The following RCOR1 variants were observed in gnomAD, a reference collection of about 807,000 sequenced individuals.
RCOR1 encodes the protein REST corepressor 1.
Under a neutral mutation model 64.0 loss-of-function variants are expected in RCOR1, and 12 were observed. The ratio of observed to expected loss-of-function variants is 0.19; its 90% CI spans 0.12 to 0.30. The LOEUF (loss-of-function observed/expected upper bound fraction) is 0.30, where lower values mean the gene tolerates loss of function less well. RCOR1 is among the 10% of genes least tolerant of loss of function. The pLI is 1.00. For missense variants in RCOR1, 502 were observed against 621.2 expected (o/e 0.81, Z 2.04); for synonymous variants, 279 against 227.2 (o/e 1.23, Z -2.05).
At chr14:102,606,376 A>T (rs1893507244) in intron 2 of RCOR1, among the ~76,000 whole-genome samples, 1 of 151,302 alleles carries the variant, frequency 6.6e-6, no homozygotes, top group Admixed American at 6.6e-5. Context: ...TTACACCCAT[A>T]CTCTCCCTGA....
chr14:102,663,562 C>T (rs1321156880), intron 2 of RCOR1, among the ~76,000 whole-genome samples: 1 of 152,176 alleles, frequency 6.6e-6, no homozygotes, highest in Admixed American at 6.5e-5. Flanking sequence ...ATAATCTGGG[C>T]TCTCTGTATT....
At chr14:102,703,887 A>G (rs538645383) in intron 4 of RCOR1, among the ~76,000 whole-genome samples, 5 of 152,262 alleles carry the variant, frequency 3.3e-5, no homozygotes, top group South Asian at 2.1e-4. Flanking sequence ...TCCCTGCCCA[A>G]CCCATTCTTC....
In RCOR1 at chr14:102,593,006, G is replaced by A; in HGVS notation, c.120G>A (p.Ser40=). ...CCGCCGCCTCGGCCGCCTGCGCCTC[G>A]CCAGCCGCCACTGCCGCCTCGGGCG... The part of the protein sequence containing the change: ...ASAAASAACA[S]PAATAASGAA... The change falls in exon 1 of 12, where the codon TCG becomes TCA. Residue 40 remains serine (S), a synonymous_variant. Coordinates refer to ENST00000262241, the MANE Select transcript of RCOR1 (RefSeq NM_015156.4). The A allele has an allele frequency of 8.4e-7, 1 of 1,195,738 alleles. No individual in the cohort carries two copies. 74.1% of individuals were successfully genotyped at this position (1,195,738 alleles called of 1,614,324 possible). A position where few individuals can be genotyped will look rare whatever the true frequency, so the allele number is the denominator to read the frequency against.
At chr14:102,677,226 CT>C (rs1895195661) in intron 2 of RCOR1, among the ~76,000 whole-genome samples, 1 of 138,042 alleles carries the variant, frequency 7.2e-6, no homozygotes, top group Non-Finnish European at 1.6e-5. Flanking sequence ...CCCCTCCCCC[CT>C]CCCGGACGGG....
At position 102,615,275 on chromosome 14, in the gene RCOR1, G is replaced by GGT. The variant is rs534545303; in HGVS notation, c.361+21953_361+21954dup. Among the ~76,000 whole-genome samples, 253 of 151,240 alleles carry GGT rather than the reference G, an allele frequency of 1.7e-3. 1 individual carries two copies. Among genetic ancestry groups the GGT allele is most frequent in the African/African-American group, 6.0e-3 (246 of 41,216 alleles). ...AGCCTCCCAAGTAGCTGGAACTACA[G>GGT]GTGTATGTCGTCATGCCTGGCTAAA... On this transcript the variant is annotated intron_variant, in intron 2 of 11. Transcript: ENST00000262241.
Position 102,722,347 on chromosome 14 carries a change from T to C in RCOR1, c.1350T>C (p.Asn450=), listed in dbSNP as rs1247138473. The change falls in exon 11 of 12, where the codon AAT becomes AAC. Residue 450 remains asparagine (N), a synonymous_variant. Transcript: ENST00000262241. ...WEAEHGKEET[N]GPSNQKPVKS... is the part of the protein sequence containing the mutation. ...CAGAACATGGTAAAGAAGAGACCAA[T>C]GGGCCCAGTAACCAGAAGCCTGTGA... 3 of 1,614,034 alleles carry C rather than the reference T, an allele frequency of 1.9e-6. No individual in the cohort carries two copies. The highest frequency in any genetic ancestry group is 1.7e-6 in the Non-Finnish European group (2 of 1,180,028).
intron 2 of RCOR1, among the ~76,000 whole-genome samples, chr14:102,599,222 C>T (rs1055949068): frequency 6.6e-6 from 1 of 151,928 alleles, no homozygotes; most frequent in African/African-American, 2.4e-5. Flanking sequence ...CTCCTGGGCG[C>T]ACACTATCCT....
Position 102,592,977 on chromosome 14 carries a change from T to TCCGCCG in RCOR1, c.97_102dup (p.Ala33_Ala34dup). The TCCGCCG allele has an allele frequency of 8.7e-7, 1 of 1,153,738 alleles. No homozygotes were observed. 71.5% of individuals were successfully genotyped at this position (1,153,738 alleles called of 1,614,324 possible). Reference sequence around the variant, plus strand: ...CGCCTCCGCCTCCGCCGCCGCCGCCTCCGCCGCCGCCTCGGCCGCCTGCGC... The same window carrying TCCGCCG: ...CGCCTCCGCCTCCGCCGCCGCCGCCTCCGCCGCCGCCGCCGCCTCGGCCGCCTGCGC... On this transcript the variant is annotated inframe_insertion, in exon 1 of 12. Coordinates refer to ENST00000262241, the MANE Select transcript of RCOR1 (RefSeq NM_015156.4).
At chr14:102,596,390 AC>A (rs1343618855) in intron 2 of RCOR1, among the ~76,000 whole-genome samples, 2 of 152,196 alleles carry the variant, frequency 1.3e-5, no homozygotes, top group Admixed American at 1.3e-4. Flanking sequence ...GGGGTGAGCC[AC>A]CGTGCCCAGC....
chr14:102,673,730 C>T (rs1459619617), intron 2 of RCOR1, among the ~76,000 whole-genome samples: 7 of 152,188 alleles, frequency 4.6e-5, no homozygotes, highest in Non-Finnish European at 8.8e-5. Context: ...ATTCTCCTGC[C>T]TCAGCCTCCC....
chr14:102,659,255 C>T, intron 2 of RCOR1: 1 of 985,096 alleles, frequency 1.0e-6, no homozygotes, highest in African/African-American at 1.7e-5. Context: ...TTTGTTGATG[C>T]AGGGTTGCAT....
chr14:102,629,070 A>G (rs757210630), intron 2 of RCOR1, among the ~76,000 whole-genome samples: 7 of 151,882 alleles, frequency 4.6e-5, no homozygotes, highest in Admixed American at 1.3e-4. Context: ...TCATTTTTGT[A>G]TTCAACACGC....
In RCOR1 at chr14:102,659,354, G is replaced by A. The variant is rs549043424; in HGVS notation, c.362-22541G>A. The A allele has an allele frequency of 5.2e-5, 42 of 813,628 alleles. No homozygotes were observed. The African/African-American group carries it at 5.9e-4, about 12-fold the overall frequency. 50.4% of individuals were successfully genotyped at this position (813,628 alleles called of 1,614,324 possible). A position where few individuals can be genotyped will look rare whatever the true frequency, so the allele number is the denominator to read the frequency against. On this transcript the variant is annotated intron_variant, in intron 2 of 11. Transcript: ENST00000262241. ...ATCATTAAGGCTCATAAAGTCTTCC[G>A]TTTTTATTTTGGCTATTCTGGTGGT...
chr14:102,707,267 G>A (rs543211733), intron 4 of RCOR1, 84 bp from the exon 5 acceptor site: 20 of 1,211,326 alleles, frequency 1.7e-5, no homozygotes, highest in African/African-American at 9.2e-5. Flanking sequence ...ATATGAAGTC[G>A]TTTTTACTTT....
intron 8 of RCOR1, among the ~76,000 whole-genome samples, chr14:102,719,469 A>G (rs959371470): frequency 2.0e-5 from 3 of 151,944 alleles, no homozygotes; most frequent in Non-Finnish European, 4.4e-5. Context: ...CTCATTGTTC[A>G]ATTCCCACCT....
At position 102,722,440 on chromosome 14, in the gene RCOR1, C is replaced by T. The variant is rs764167868; in HGVS notation, c.1419+24C>T. The T allele has an allele frequency of 5.1e-6, 8 of 1,576,020 alleles. No homozygotes were observed. The Admixed American group carries it at 1.0e-4, about 20-fold the overall frequency. On this transcript the variant is annotated intron_variant, in intron 11 of 11. Transcript: ENST00000262241. ...AGGTAAATCTGAAACAAAACAGTCA[C>T]TTCTCTTGTCAGGTTCACGCTTGAT...
intron 2 of RCOR1, among the ~76,000 whole-genome samples, chr14:102,601,452 A>G (rs1317300736): frequency 2.0e-5 from 3 of 152,234 alleles, no homozygotes; most frequent in Non-Finnish European, 4.4e-5. Context: ...ATGACAAGAC[A>G]GAATTAGATG....
At chr14:102,615,333 G>A (rs1020785079) in intron 2 of RCOR1, among the ~76,000 whole-genome samples, 2 of 151,404 alleles carry the variant, frequency 1.3e-5, no homozygotes, top group African/African-American at 4.9e-5. Context: ...GTAGAGACGG[G>A]GTTTCACCAT....
intron 2 of RCOR1, among the ~76,000 whole-genome samples, chr14:102,639,453 C>A (rs1282071990): frequency 6.6e-6 from 1 of 151,042 alleles, no homozygotes; most frequent in Non-Finnish European, 1.5e-5. Context: ...GCTGGGAATA[C>A]ATGTATGCAT....
Sources: gnomAD v4.1 joint callset for allele counts (sites outside exome capture counted in the v4.1 genomes callset) on GRCh38, gnomAD v4.1.1 for gene constraint, MANE v1.5 for transcripts, NCBI Gene and HGNC (gene_info 2026-07-23, HGNC 2026-07-21) for gene names.